FBXL2: variants seen among roughly 807,000 people sequenced by gnomAD.
FBXL2 encodes F-box/LRR-repeat protein 2.
FBXL2 carries 38 observed loss-of-function variants against 69.2 expected under a neutral mutation model. The observed-to-expected ratio is 0.55, with a 90% CI of 0.42 to 0.72. The LOEUF is 0.72. Ranked by LOEUF, FBXL2 falls within the 30% of genes least tolerant of loss-of-function variation. The probability of loss-of-function intolerance (pLI) is 0.00; values close to 1 mark genes in which losing one functional copy is unlikely to be tolerated. For synonymous variants in FBXL2, 192 were observed against 201.3 expected (o/e 0.95, Z 0.39); for missense variants, 354 against 520.3 (o/e 0.68, Z 3.11).
intron 5 of FBXL2, among the ~76,000 whole-genome samples, chr3:33,369,116 A>G (rs900137281): frequency 1.3e-5 from 2 of 151,264 alleles, no homozygotes; most frequent in Non-Finnish European, 2.9e-5. Flanking sequence ...CAGTGGCACA[A>G]TCTCGACTCA....
chr3:33,305,633 A>G (rs1289758471), intron 2 of FBXL2, among the ~76,000 whole-genome samples: 1 of 151,934 alleles, frequency 6.6e-6, no homozygotes, highest in African/African-American at 2.4e-5. Flanking sequence ...TCTTGGTTTA[A>G]TTGTTCCTTG....
the FBXL2 span, among the ~76,000 whole-genome samples, chr3:33,417,908 A>G: frequency 6.6e-6 from 1 of 152,226 alleles, no homozygotes; most frequent in East Asian, 1.9e-4. Flanking sequence ...AAATACAACT[A>G]CATCACTCCA....
At chr3:33,325,865 C>A (rs1016518804) in intron 2 of FBXL2, among the ~76,000 whole-genome samples, 4 of 152,012 alleles carry the variant, frequency 2.6e-5, no homozygotes, top group Non-Finnish European at 5.9e-5. Flanking sequence ...AATTTCTATT[C>A]TCTACCAAAA....
At chr3:33,364,316 G>C in intron 4 of FBXL2, 1 of 346,730 alleles carries the variant, frequency 2.9e-6, no homozygotes, top group Non-Finnish European at 5.3e-6. Flanking sequence ...CTGTGACCTG[G>C]GTAGGGAGGG....
downstream of FBXL2, chr3:33,390,553 T>G: frequency 1.6e-6 from 1 of 636,062 alleles, no homozygotes; most frequent in Non-Finnish European, 2.8e-6. Flanking sequence ...CATGTACACA[T>G]TCCCTTTTTA....
intron 12 of FBXL2, chr3:33,402,733 A>C (rs1475824124): frequency 1.7e-6 from 2 of 1,156,994 alleles, no homozygotes; most frequent in Admixed American, 6.5e-5. Flanking sequence ...CTGTACATGG[A>C]GAGATGGGGA....
In FBXL2 at chr3:33,384,952, C is replaced by T. The variant is rs371670528; in HGVS notation, c.1165-549C>T. Among the ~76,000 whole-genome samples the T allele has an allele frequency of 1.1e-4, 16 of 152,122 alleles. 1 individual carries two copies. The East Asian group carries it at 1.4e-3, about 13-fold the overall frequency. ...CTGAGGCAGGAGAATCGCTTGAACC[C>T]GGGAGGTGGAGGTTGCAGTGAGCTG... is the stretch of plus-strand genomic sequence containing the variant. On this transcript the variant is annotated intron_variant, in intron 14 of 14. Transcript: ENST00000484457.
At chr3:33,310,105 A>G (rs2037059630) in intron 2 of FBXL2, among the ~76,000 whole-genome samples, 1 of 152,148 alleles carries the variant, frequency 6.6e-6, no homozygotes, top group Non-Finnish European at 1.5e-5. Context: ...ATTGTGTATC[A>G]CTTAAAAATT....
chr3:33,289,473 G>A (rs1000930131), intron 1 of FBXL2, among the ~76,000 whole-genome samples: 1 of 151,808 alleles, frequency 6.6e-6, no homozygotes, highest in Non-Finnish European at 1.5e-5. Flanking sequence ...ACCTATCAGA[G>A]TTGACACAAA....
intron 1 of FBXL2, 77 bp downstream of exon 1, chr3:33,277,592 A>G: frequency 8.1e-7 from 1 of 1,232,536 alleles, no homozygotes; most frequent in Non-Finnish European, 1.0e-6. Flanking sequence ...GCCGCCCGCT[A>G]GGGTCGGGCA....
chr3:33,374,311 T>G (rs949611808), intron 9 of FBXL2, among the ~76,000 whole-genome samples: 1 of 152,136 alleles, frequency 6.6e-6, no homozygotes, highest in East Asian at 1.9e-4. Flanking sequence ...GTGGATAAAA[T>G]GAAATAACAC....
chr3:33,403,544 ATCTGTCTGTCTG>A (rs10547421), exon 13 of FBXL2: 6,085 of 147,446 alleles, frequency 0.041, 273 homozygotes, highest in Admixed American at 0.15. Context: ...TATCTAATCT[ATCTGTCTGTCTG>A]TCTGTCTGTC....
intron 2 of FBXL2, among the ~76,000 whole-genome samples, chr3:33,354,326 C>T (rs956340293): frequency 5.9e-5 from 9 of 151,944 alleles, no homozygotes; most frequent in African/African-American, 1.9e-4. Context: ...CCAGCCTGAC[C>T]AATATAGTGA....
downstream of FBXL2, among the ~76,000 whole-genome samples, chr3:33,405,862 A>C (rs926777037): frequency 1.3e-5 from 2 of 152,316 alleles, no homozygotes; most frequent in South Asian, 4.1e-4. Context: ...ATTAAGTCTC[A>C]CCAATGGCTA....
intron 2 of FBXL2, among the ~76,000 whole-genome samples, chr3:33,355,073 G>T (rs2154039600): frequency 6.6e-6 from 1 of 152,164 alleles, no homozygotes; most frequent in South Asian, 2.1e-4. Context: ...GGGACTATGG[G>T]CATGCGTCAC....
chr3:33,405,501 A>G (rs182402411), downstream of FBXL2, among the ~76,000 whole-genome samples: 12 of 152,348 alleles, frequency 7.9e-5, no homozygotes, highest in East Asian at 1.9e-3. Context: ...TCAGATGTCA[A>G]TCTGGAAAGG....
intron 2 of FBXL2, among the ~76,000 whole-genome samples, chr3:33,322,064 ATTTTTTTTTTT>A (rs34703817): frequency 3.8e-4 from 24 of 62,442 alleles, no homozygotes; most frequent in East Asian, 1.8e-3. Flanking sequence ...TGACTAGGTG[ATTTTTTTTTTT>A]TTTTTTTTTT....
chr3:33,400,981 G>C, intron 12 of FBXL2: 1 of 1,595,614 alleles, frequency 6.3e-7, no homozygotes, highest in South Asian at 1.2e-5. Flanking sequence ...GGTCTGTGAA[G>C]CTCCATCTCC....
At chr3:33,325,710 T>G (rs1313925383) in intron 2 of FBXL2, among the ~76,000 whole-genome samples, 1 of 152,236 alleles carries the variant, frequency 6.6e-6, no homozygotes, top group Non-Finnish European at 1.5e-5. Flanking sequence ...AATATACTCT[T>G]CTTGTTAAAA....
Sources: gnomAD v4.1 joint callset for allele counts (sites outside exome capture counted in the v4.1 genomes callset) on GRCh38, gnomAD v4.1.1 for gene constraint, MANE v1.5 for transcripts, NCBI Gene and HGNC (gene_info 2026-07-23, HGNC 2026-07-21) for gene names.